Variants in EVI5 observed in about 807,000 individuals in gnomAD.
The protein encoded by EVI5 is ecotropic viral integration site 5.
EVI5 carries 73 observed loss-of-function variants against 112.0 expected under a neutral mutation model. The observed-to-expected ratio is 0.65, with a 90% CI of 0.54 to 0.79. The LOEUF (loss-of-function observed/expected upper bound fraction) is 0.79. EVI5 is among the 30% of genes least tolerant of loss of function. The pLI is 0.00. For synonymous variants in EVI5, 305 were observed against 319.9 expected (o/e 0.95, Z 0.50); for missense variants, 900 against 968.8 (o/e 0.93, Z 0.94).
At chr1:92,644,053 G>A (rs1227064411) in intron 13 of EVI5, among the ~76,000 whole-genome samples, 2 of 152,172 alleles carry the variant, frequency 1.3e-5, no homozygotes, top group African/African-American at 4.8e-5. Flanking sequence ...TTAGGTAAAA[G>A]GTGGATGGAG....
intron 18 of EVI5, among the ~76,000 whole-genome samples, chr1:92,595,293 T>C (rs1647429186): frequency 6.6e-6 from 1 of 151,474 alleles, no homozygotes; most frequent in Non-Finnish European, 1.5e-5. Context: ...GAAACCATCA[T>C]TCTCAGCAAA....
chr1:92,765,551 G>C (rs1210013502), intron 1 of EVI5, among the ~76,000 whole-genome samples: 2 of 148,344 alleles, frequency 1.3e-5, no homozygotes, highest in African/African-American at 2.5e-5. Context: ...ACCCAGAAAA[G>C]TTATAAACAA....
chr1:92,702,062 A>G, intron 5 of EVI5, 79 bp downstream of exon 5: 1 of 707,828 alleles, frequency 1.4e-6, no homozygotes, highest in Non-Finnish European at 2.4e-6. Flanking sequence ...ACATTTAATA[A>G]AACAAAGATG....
intron 2 of EVI5, chr1:92,733,057 AAAAAAAAAAAAG>A (rs1676751662): frequency 6.2e-6 from 1 of 160,332 alleles, no homozygotes; most frequent in Non-Finnish European, 1.4e-5. Flanking sequence ...CATTTTATTT[AAAAAAAAAAAAG>A]AAAAAAAAAA....
At chr1:92,570,088 T>C (rs1670099756) in intron 18 of EVI5, among the ~76,000 whole-genome samples, 1 of 151,706 alleles carries the variant, frequency 6.6e-6, no homozygotes, top group South Asian at 2.1e-4. Context: ...AGGAAGAATG[T>C]AGAAATAAGG....
Position 92,545,729 on chromosome 1 carries a change from C to T in EVI5, c.2166+17913G>A, listed in dbSNP as rs148549147. Among the ~76,000 whole-genome samples, 627 of 152,182 alleles carry T rather than the reference C, an allele frequency of 4.1e-3. 3 individuals carry two copies. Among genetic ancestry groups the T allele is most frequent in the Admixed American group, 9.8e-3 (149 of 15,282 alleles). ...GATCAATCTCTATGAATGTTATTTT[C>T]GGTACCACACTCTAAAAACAAACTG... On this transcript the variant is annotated intron_variant, in intron 19 of 19. Transcript: ENST00000684568.
At chr1:92,759,935 T>C (rs1460025783) in intron 1 of EVI5, among the ~76,000 whole-genome samples, 2 of 150,664 alleles carry the variant, frequency 1.3e-5, no homozygotes, top group South Asian at 4.3e-4. Context: ...CTTTTGACTC[T>C]TGGGAATCAT....
chr1:92,764,635 T>C (rs1007098603), intron 1 of EVI5, among the ~76,000 whole-genome samples: 1 of 152,230 alleles, frequency 6.6e-6, no homozygotes, highest in African/African-American at 2.4e-5. Context: ...TATTTGGCAT[T>C]TGAAACCTTT....
At chr1:92,784,593 G>A (rs1685360113) in intron 1 of EVI5, 2 of 321,306 alleles carry the variant, frequency 6.2e-6, no homozygotes, top group Non-Finnish European at 9.0e-6. Context: ...TAGACCCGCC[G>A]ACGAGTTTCT....
intron 19 of EVI5, among the ~76,000 whole-genome samples, chr1:92,521,346 T>C (rs1660894618): frequency 6.6e-6 from 1 of 152,176 alleles, no homozygotes; most frequent in Admixed American, 6.6e-5. Flanking sequence ...CATTAAAAAA[T>C]TAAAACCTCC....
intron 13 of EVI5, among the ~76,000 whole-genome samples, chr1:92,656,338 T>G (rs1387653740): frequency 6.6e-6 from 1 of 151,990 alleles, no homozygotes; most frequent in African/African-American, 2.4e-5. Context: ...AAAACTTTTT[T>G]GAAACAAATG....
intron 14 of EVI5, among the ~76,000 whole-genome samples, chr1:92,626,890 C>T (rs1557933475): frequency 6.6e-6 from 1 of 152,138 alleles, no homozygotes; most frequent in African/African-American, 2.4e-5. Flanking sequence ...TTTTGAGAGG[C>T]ATCAAATCTC....
chr1:92,608,938 T>G (rs1325588563), intron 16 of EVI5, among the ~76,000 whole-genome samples: 5 of 152,228 alleles, frequency 3.3e-5, no homozygotes, highest in Admixed American at 2.0e-4. Context: ...TAAAATAGTT[T>G]CTATTTCTCA....
intron 18 of EVI5, among the ~76,000 whole-genome samples, chr1:92,588,907 G>T (rs1162039580): frequency 6.6e-6 from 1 of 152,164 alleles, no homozygotes; most frequent in African/African-American, 2.4e-5. Context: ...TGGCTAGTAT[G>T]CCGATATTGG....
Position 92,718,222 on chromosome 1 carries a change from C to T in EVI5, c.150-13478G>A, listed in dbSNP as rs149438525. Among the ~76,000 whole-genome samples the T allele has an allele frequency of 5.7e-3, 865 of 152,246 alleles. 7 individuals carry two copies. The highest frequency in any genetic ancestry group is 0.02 in the African/African-American group (833 of 41,546). On this transcript the variant is annotated intron_variant, in intron 2 of 19. Transcript: ENST00000684568. ...TAGACATCTACAGAACTCTCCACTG[C>T]AAATCAACAGAATATACATTCTTCT...
At chr1:92,616,476 C>G (rs1179267633) in intron 16 of EVI5, among the ~76,000 whole-genome samples, 1 of 152,136 alleles carries the variant, frequency 6.6e-6, no homozygotes, top group African/African-American at 2.4e-5. Context: ...TCAGAATAGT[C>G]TGACTTGTGT....
chr1:92,689,958 C>T (rs1669216664), intron 9 of EVI5, among the ~76,000 whole-genome samples: 1 of 152,144 alleles, frequency 6.6e-6, no homozygotes, highest in Non-Finnish European at 1.5e-5. Context: ...GCTGTGATCA[C>T]AGCTCACTGC....
At chr1:92,586,999 AC>A (rs1211524758) in intron 18 of EVI5, among the ~76,000 whole-genome samples, 1 of 152,090 alleles carries the variant, frequency 6.6e-6, no homozygotes, top group African/African-American at 2.4e-5. Flanking sequence ...CTAATTCTTA[AC>A]TGAGATCTTA....
At chr1:92,789,323 T>C (rs920209983), upstream of EVI5, among the ~76,000 whole-genome samples, 3 of 151,782 alleles carry the variant, frequency 2.0e-5, no homozygotes, top group African/African-American at 4.8e-5. Flanking sequence ...TCTTCTTCTT[T>C]TTTTTTTCTC....
Sources: gnomAD v4.1 joint callset for allele counts (sites outside exome capture counted in the v4.1 genomes callset) on GRCh38, gnomAD v4.1.1 for gene constraint, MANE v1.5 for transcripts, NCBI Gene and HGNC (gene_info 2026-07-23, HGNC 2026-07-21) for gene names.